Variants in ITFG1 observed in about 807,000 individuals in gnomAD.
ITFG1 encodes T-cell immunomodulatory protein.
A neutral mutation model predicts 81.8 loss-of-function variants in ITFG1; 34 were observed. The ratio of observed to expected loss-of-function variants is 0.42; its 90% CI spans 0.32 to 0.55. ITFG1 has a LOEUF of 0.55. Ranked by LOEUF, ITFG1 falls within the 20% of genes least tolerant of loss-of-function variation. The probability of loss-of-function intolerance (pLI) is 0.17; values close to 1 mark genes in which losing one functional copy is unlikely to be tolerated. For synonymous variants in ITFG1, 285 were observed against 270.6 expected (o/e 1.05, Z -0.52); for missense variants, 672 against 755.4 (o/e 0.89, Z 1.29).
At chr16:47,232,880 A>T (rs1965830982) in intron 13 of ITFG1, among the ~76,000 whole-genome samples, 1 of 152,012 alleles carries the variant, frequency 6.6e-6, no homozygotes, top group Non-Finnish European at 1.5e-5. Context: ...GGCTCAAGAG[A>T]TCCTCCTGCC....
intron 8 of ITFG1, among the ~76,000 whole-genome samples, chr16:47,316,006 G>T (rs1321707351): frequency 2.6e-5 from 4 of 152,006 alleles, no homozygotes; most frequent in African/African-American, 4.8e-5. Context: ...GTCCAGGCTG[G>T]TCTCAAAATC....
chr16:47,437,030 A>C (rs1205452494), intron 5 of ITFG1, among the ~76,000 whole-genome samples: 1 of 152,238 alleles, frequency 6.6e-6, no homozygotes, highest in East Asian at 1.9e-4. Flanking sequence ...TATCTTTGCC[A>C]ATAATATACG....
At chr16:47,308,835 G>C (rs915752686) in intron 10 of ITFG1, among the ~76,000 whole-genome samples, 1 of 152,038 alleles carries the variant, frequency 6.6e-6, no homozygotes, top group Non-Finnish European at 1.5e-5. Context: ...GAGCCCAGTG[G>C]AAGCTCAGGT....
At chr16:47,401,865 G>A (rs1968665760) in intron 6 of ITFG1, among the ~76,000 whole-genome samples, 1 of 151,766 alleles carries the variant, frequency 6.6e-6, no homozygotes, top group Non-Finnish European at 1.5e-5. Context: ...TGGTTCCTTT[G>A]GTTTTTTTTC....
rs895993670 is a variant in ITFG1 at position 47,434,241 on chromosome 16, G to A, written c.561-5343C>T. Among the ~76,000 whole-genome samples the A allele has an allele frequency of 1.5e-4, 23 of 151,620 alleles. 1 individual carries two copies. In the South Asian group the frequency reaches 3.1e-3, roughly 21 times the overall value. Reference sequence around the variant, plus strand: ...TTAAACTAAAGAGTTTCTGCACAGCGAAAGAAACTATCATCAGGGTGAACT... The same window carrying A: ...TTAAACTAAAGAGTTTCTGCACAGCAAAAGAAACTATCATCAGGGTGAACT... On this transcript the variant is annotated intron_variant, in intron 5 of 17. Transcript: ENST00000320640.
Position 47,351,180 on chromosome 16 carries a change from T to C in ITFG1, c.802+14608A>G, listed in dbSNP as rs373534286. 2.5e-4 allele frequency among the ~76,000 whole-genome samples: 38 copies of C among 152,250 alleles called. 1 individual carries two copies. In the East Asian group the frequency reaches 7.1e-3, roughly 29 times the overall value. On this transcript the variant is annotated intron_variant, in intron 8 of 17. Coordinates refer to ENST00000320640, the MANE Select transcript of ITFG1 (RefSeq NM_030790.5). ...CAGGGATGCCCTCTCTCACCACTAA[T>C]ATTCAACATAGTGTTGGAAGTTCTG...
chr16:47,174,615 C>T (rs530101455), intron 14 of ITFG1, among the ~76,000 whole-genome samples: 2 of 152,186 alleles, frequency 1.3e-5, no homozygotes, highest in South Asian at 2.1e-4. Context: ...CCGCCTCCCA[C>T]GTTCAAGCAA....
intron 14 of ITFG1, among the ~76,000 whole-genome samples, chr16:47,166,586 A>G (rs1964892162): frequency 6.6e-6 from 1 of 152,216 alleles, no homozygotes; most frequent in Non-Finnish European, 1.5e-5. Context: ...CAAAGGAAAC[A>G]GCGTAAAAGA....
chr16:47,345,282 A>C (rs1356117467), intron 8 of ITFG1, among the ~76,000 whole-genome samples: 1 of 148,566 alleles, frequency 6.7e-6, no homozygotes, highest in Non-Finnish European at 1.5e-5. Context: ...AAAAAATTGC[A>C]AAAAAACTCT....
At chr16:47,253,923 T>C (rs1178994027) in intron 12 of ITFG1, among the ~76,000 whole-genome samples, 4 of 152,086 alleles carry the variant, frequency 2.6e-5, no homozygotes, top group Admixed American at 6.6e-5. Flanking sequence ...AGGGTGTGCT[T>C]TAACAATAAA....
chr16:47,313,806 C>A lies in ITFG1; in HGVS notation c.820G>T (p.Asp274Tyr). The A allele has an allele frequency of 2.5e-6, 4 of 1,602,764 alleles. No homozygotes were observed. The highest frequency in any genetic ancestry group is 3.4e-6 in the Non-Finnish European group (4 of 1,173,600). ...TCTTCACAGCCTGGCAGTAAATGAT[C>A]CATGTGTCCATCTCCATCTGCCAAA... ...FADFDGDGHMDHLLPGCEDKN... is the reference protein window; with the variant it reads ...FADFDGDGHMYHLLPGCEDKN... The change falls in exon 9 of 18, where the codon GAT becomes TAT. Residue 274 changes from aspartate (D) to tyrosine (Y), a missense_variant. Asp to Tyr is a radical substitution (Grantham distance 160). This residue lies in a region of ITFG1 where 560 missense variants were observed against 625.7 expected (regional missense o/e 0.90). Transcript: ENST00000320640.
At chr16:47,378,461 T>C (rs1246215319) in intron 6 of ITFG1, among the ~76,000 whole-genome samples, 3 of 152,162 alleles carry the variant, frequency 2.0e-5, no homozygotes, top group Non-Finnish European at 4.4e-5. Flanking sequence ...TGAAAACCAA[T>C]TCAAAAATTT....
At chr16:47,381,986 G>A (rs893697774) in intron 6 of ITFG1, among the ~76,000 whole-genome samples, 3 of 152,230 alleles carry the variant, frequency 2.0e-5, no homozygotes, top group Non-Finnish European at 2.9e-5. Flanking sequence ...ACAGACAGTA[G>A]TAAGTGAGGG....
chr16:47,326,879 C>T (rs1262702387), intron 8 of ITFG1, among the ~76,000 whole-genome samples: 21 of 152,060 alleles, frequency 1.4e-4, no homozygotes, highest in African/African-American at 4.8e-4. Flanking sequence ...GAATCAATAT[C>T]GTGAAAATGG....
chr16:47,449,405 T>G (rs987821634), intron 5 of ITFG1: 3 of 152,260 alleles, frequency 2.0e-5, no homozygotes, highest in Non-Finnish European at 2.9e-5. Context: ...CTGACATTGC[T>G]TAAACGTAGT....
intron 12 of ITFG1, 194 bp from the exon 13 acceptor site, chr16:47,238,202 A>C (rs1181791123): frequency 4.2e-6 from 2 of 477,118 alleles, no homozygotes; most frequent in Non-Finnish European, 7.5e-6. Context: ...AGCCTTTATT[A>C]AACTGTCAAG....
intron 17 of ITFG1, chr16:47,157,630 C>T (rs1240456797): frequency 6.6e-6 from 1 of 152,198 alleles, no homozygotes; most frequent in Non-Finnish European, 1.5e-5. Context: ...CTTGATCTTA[C>T]TCTTAAGTTG....
intron 13 of ITFG1, among the ~76,000 whole-genome samples, chr16:47,231,202 C>T (rs1300976275): frequency 1.3e-5 from 2 of 152,114 alleles, no homozygotes; most frequent in African/African-American, 2.4e-5. Context: ...ACTTTTAAAC[C>T]GTCTGTTCTC....
At chr16:47,216,309 C>T (rs2151525999) in intron 14 of ITFG1, among the ~76,000 whole-genome samples, 1 of 152,272 alleles carries the variant, frequency 6.6e-6, no homozygotes, top group African/African-American at 2.4e-5. Context: ...TCTCCTGCCC[C>T]AGCCTCCCGA....
Sources: allele counts gnomAD v4.1 joint callset (sites outside exome capture counted in the v4.1 genomes callset), GRCh38; gene constraint gnomAD v4.1.1; regional missense constraint gnomAD v4.1.1; transcripts MANE v1.5; gene names NCBI Gene and HGNC (gene_info 2026-07-23, HGNC 2026-07-21).